HSPB8: variants seen among roughly 807,000 people sequenced by gnomAD.
The protein encoded by HSPB8 is heat shock protein family B (small) member 8.
HSPB8 carries 9 observed loss-of-function variants against 16.5 expected under a neutral mutation model. The ratio of observed to expected loss-of-function variants is 0.55; its 90% CI spans 0.33 to 0.95. HSPB8 has a LOEUF of 0.95. HSPB8 is among the 40% of genes least tolerant of loss of function. HSPB8 has a pLI of 0.03. For missense variants in HSPB8, 238 were observed against 251.2 expected, an observed-to-expected ratio of 0.95 and a Z score of 0.35; for synonymous variants, 99 against 94.8, an observed-to-expected ratio of 1.04 and a Z score of -0.26.
chr12:119,180,416 A>G (rs762412945), intron 1 of HSPB8, among the ~76,000 whole-genome samples: 3 of 152,216 alleles, frequency 2.0e-5, no homozygotes, highest in Non-Finnish European at 2.9e-5. Context: ...CTGAGCACCT[A>G]CTAGGTGCCA....
At chr12:119,183,570 C>T (rs1252459495) in intron 1 of HSPB8, among the ~76,000 whole-genome samples, 1 of 152,114 alleles carries the variant, frequency 6.6e-6, no homozygotes, top group Non-Finnish European at 1.5e-5. Context: ...GGATGTATTT[C>T]TAAAAATCAT....
intron 1 of HSPB8, among the ~76,000 whole-genome samples, chr12:119,181,679 G>GAAT (rs1360144226): frequency 2.0e-5 from 3 of 152,098 alleles, no homozygotes; most frequent in Non-Finnish European, 4.4e-5. Flanking sequence ...AATAAATAAT[G>GAAT]AATAATAGAT....
intron 1 of HSPB8, among the ~76,000 whole-genome samples, chr12:119,180,189 C>T (rs934108944): frequency 6.6e-6 from 1 of 152,180 alleles, no homozygotes; most frequent in Non-Finnish European, 1.5e-5. Context: ...ACTGGTAACT[C>T]TGAGTGCTAA....
chr12:119,190,258 G>A (rs1005156008), intron 2 of HSPB8, among the ~76,000 whole-genome samples: 3 of 152,160 alleles, frequency 2.0e-5, no homozygotes, highest in Non-Finnish European at 2.9e-5. Flanking sequence ...CCTAGGAGTC[G>A]AACTGGGGTC....
At chr12:119,182,418 C>T (rs988336711) in intron 1 of HSPB8, among the ~76,000 whole-genome samples, 14 of 152,124 alleles carry the variant, frequency 9.2e-5, no homozygotes, top group African/African-American at 3.1e-4. Flanking sequence ...GCGGGAGGAT[C>T]GCTTAAGGTC....
chr12:119,191,413 T>G (rs1954711311), intron 2 of HSPB8, among the ~76,000 whole-genome samples: 1 of 152,020 alleles, frequency 6.6e-6, no homozygotes, highest in Non-Finnish European at 1.5e-5. Flanking sequence ...GGTCTAAACT[T>G]TTGACTTTGT....
chr12:119,192,749 C>T (rs897698836), intron 2 of HSPB8, among the ~76,000 whole-genome samples: 1 of 152,100 alleles, frequency 6.6e-6, no homozygotes, highest in Non-Finnish European at 1.5e-5. Context: ...CCTGAGACTA[C>T]ATAATTGATA....
chr12:119,190,748 A>G (rs548503595), intron 2 of HSPB8, among the ~76,000 whole-genome samples: 1 of 152,370 alleles, frequency 6.6e-6, no homozygotes, highest in East Asian at 1.9e-4. Flanking sequence ...CAATGAAAGC[A>G]AACTGTGGTT....
intron 2 of HSPB8, among the ~76,000 whole-genome samples, chr12:119,191,141 A>G (rs1041495345): frequency 6.6e-6 from 1 of 152,214 alleles, no homozygotes; most frequent in Non-Finnish European, 1.5e-5. Flanking sequence ...GTAAGGTCAA[A>G]GACTGCAACG....
At chr12:119,183,168 T>A (rs772484338) in intron 1 of HSPB8, 1 of 152,288 alleles carries the variant, frequency 6.6e-6, no homozygotes, top group African/African-American at 2.4e-5. Context: ...GCAGGACTTA[T>A]CAGAGCCTTT....
Position 119,194,134 on chromosome 12 carries a change from G to A in HSPB8, c.*276G>A. 2.1e-6 allele frequency: 1 copy of A among 486,370 alleles called. No homozygotes were observed. Among genetic ancestry groups the A allele is most frequent in the Non-Finnish European group, 3.8e-6 (1 of 266,284 alleles). The allele number at this position is 486,370 out of a possible 1,614,324, so 30.1% of individuals were successfully genotyped here. A position where few individuals can be genotyped will look rare whatever the true frequency, so the allele number is the denominator to read the frequency against. On this transcript the variant is annotated 3_prime_UTR_variant, in exon 3 of 3. Coordinates refer to ENST00000281938, the MANE Select transcript of HSPB8 (RefSeq NM_014365.3). ...TGAAAATGTTGCACATTCTATAGTTGCAAAACACATAAAAGGGGACTTAAC... is the reference window on the plus strand; with the variant it reads ...TGAAAATGTTGCACATTCTATAGTTACAAAACACATAAAAGGGGACTTAAC...
intron 1 of HSPB8, among the ~76,000 whole-genome samples, chr12:119,180,548 C>G (rs910127689): frequency 8.5e-5 from 13 of 152,130 alleles, no homozygotes; most frequent in Non-Finnish European, 1.6e-4. Flanking sequence ...CACAGTCATG[C>G]CATGAGTCAG....
intron 1 of HSPB8, among the ~76,000 whole-genome samples, chr12:119,180,101 G>A (rs952950198): frequency 6.6e-6 from 1 of 152,162 alleles, no homozygotes; most frequent in African/African-American, 2.4e-5. Flanking sequence ...GTTAATAACC[G>A]CAACTGGTTT....
At position 119,179,576 on chromosome 12, in the gene HSPB8, C is replaced by A. The variant is rs746791744; in HGVS notation, c.264C>A (p.Pro88=). The A allele has an allele frequency of 6.2e-7, 1 of 1,612,168 alleles. No individual in the cohort carries two copies. The highest frequency in any genetic ancestry group is 2.2e-5 in the East Asian group (1 of 44,852). Reference sequence around the variant, plus strand: ...GGGTGCCTGCCGAGGGCAGGACCCCCCCACCCTTCCCTGGGGAGCCCTGGA... The same window carrying A: ...GGGTGCCTGCCGAGGGCAGGACCCCACCACCCTTCCCTGGGGAGCCCTGGA... The part of the protein sequence containing the change: ...RFGVPAEGRT[P]PPFPGEPWKV... The change falls in exon 1 of 3, where the codon CCC becomes CCA. Residue 88 remains proline, a synonymous_variant. Transcript: ENST00000281938.
chr12:119,193,925 T>A lies in HSPB8; in HGVS notation c.*67T>A. 6.5e-7 allele frequency: 1 copy of A among 1,539,868 alleles called. No homozygotes were observed. Among genetic ancestry groups the A allele is most frequent in the Non-Finnish European group, 9.0e-7 (1 of 1,114,048 alleles). On this transcript the variant is annotated 3_prime_UTR_variant, in exon 3 of 3. Transcript: ENST00000281938. ...GGGCTTCTCTGATTCCAGGATACAT[T>A]ACTTTAGCTGAACTCAGATTTAGTG... is the stretch of plus-strand genomic sequence containing the variant.
At chr12:119,189,574 A>G (rs1462295945) in intron 2 of HSPB8, among the ~76,000 whole-genome samples, 1 of 152,110 alleles carries the variant, frequency 6.6e-6, no homozygotes, top group Non-Finnish European at 1.5e-5. Context: ...AGATTCTCAT[A>G]AGAAGCATGC....
chr12:119,188,243 C>G (rs1343199318), intron 2 of HSPB8, among the ~76,000 whole-genome samples: 1 of 140,054 alleles, frequency 7.1e-6, no homozygotes, highest in South Asian at 2.3e-4. Context: ...CTCTCTCTCT[C>G]TCTCTTTTTT....
chr12:119,189,302 GGTGTGTGTGTGTGT>G (rs60310566), intron 2 of HSPB8, among the ~76,000 whole-genome samples: 4 of 143,406 alleles, frequency 2.8e-5, no homozygotes, highest in Non-Finnish European at 3.0e-5. Flanking sequence ...TCTTAAAAGG[GGTGTGTGTGTGTGT>G]GTGTGTGTGT....
intron 1 of HSPB8, chr12:119,183,281 A>G (rs1954651039): frequency 2.0e-5 from 3 of 152,222 alleles, no homozygotes; most frequent in East Asian, 1.9e-4. Context: ...GCTGGACTAG[A>G]CAATTTCCAG....
Sources: gnomAD v4.1 joint callset for allele counts (sites outside exome capture counted in the v4.1 genomes callset) on GRCh38, gnomAD v4.1.1 for gene constraint, MANE v1.5 for transcripts, NCBI Gene and HGNC (gene_info 2026-07-23, HGNC 2026-07-21) for gene names.